Variants in TBL1X observed in about 807,000 individuals in gnomAD.
TBL1X encodes F-box-like/WD repeat-containing protein TBL1X.
In TBL1X, 10 loss-of-function variants were observed where a neutral mutation model predicts 50.7. The observed-to-expected ratio is 0.20, with a 90% CI of 0.12 to 0.33. TBL1X has a LOEUF of 0.33. TBL1X is among the 10% of genes least tolerant of loss of function. The pLI is 1.00. For missense variants in TBL1X, 340 were observed against 504.4 expected, an observed-to-expected ratio of 0.67 and a Z score of 3.12; for synonymous variants, 190 against 214.7, an observed-to-expected ratio of 0.88 and a Z score of 1.01.
chrX:9,665,579 A>G (rs994989571), intron 5 of TBL1X, among the ~76,000 whole-genome samples: 2 of 80,134 alleles, frequency 2.5e-5, no homozygotes, highest in African/African-American at 4.7e-5. Context: ...ATCTTGTTTA[A>G]GAAAAATTTT....
At chrX:9,490,009 CA>C (rs1259698968) in intron 1 of TBL1X, among the ~76,000 whole-genome samples, 1 of 111,427 alleles carries the variant, frequency 9.0e-6, no homozygotes, top group East Asian at 2.8e-4. Flanking sequence ...CACTGTCACC[CA>C]AACTCGAGTG....
chrX:9,605,307 C>T (rs1404858599), intron 2 of TBL1X, among the ~76,000 whole-genome samples: 2 of 112,057 alleles, frequency 1.8e-5, no homozygotes, highest in African/African-American at 6.5e-5. Context: ...GGTATGATGT[C>T]ACACTCATAA....
intron 5 of TBL1X, among the ~76,000 whole-genome samples, chrX:9,660,198 G>A (rs774350842): frequency 8.9e-6 from 1 of 112,593 alleles, no homozygotes; most frequent in East Asian, 2.8e-4. Flanking sequence ...CAAAGTCATC[G>A]AAAACCCAGC....
chrX:9,525,317 A>G (rs1282651852), intron 2 of TBL1X, among the ~76,000 whole-genome samples: 1 of 112,051 alleles, frequency 8.9e-6, no homozygotes, highest in Non-Finnish European at 1.9e-5. Context: ...TGTTTTGAAT[A>G]TTTAAAGTAG....
chrX:9,678,841 G>T (rs778690995), intron 5 of TBL1X, among the ~76,000 whole-genome samples: 1 of 111,681 alleles, frequency 9.0e-6, no homozygotes, highest in Admixed American at 9.5e-5. Context: ...CGCAATACAT[G>T]TACTTGGTTT....
intron 1 of TBL1X, among the ~76,000 whole-genome samples, chrX:9,483,174 C>T (rs768187597): frequency 1.2e-4 from 13 of 111,636 alleles, no homozygotes; most frequent in Non-Finnish European, 2.3e-4. Context: ...TTAAGAAACC[C>T]TGACTTAGAA....
chrX:9,550,914 G>T (rs966807166), intron 2 of TBL1X, among the ~76,000 whole-genome samples: 12 of 110,923 alleles, frequency 1.1e-4, no homozygotes, highest in Non-Finnish European at 2.3e-4. Context: ...GGCATCTAAT[G>T]GGTAGAGGCC....
chrX:9,597,503 G>A (rs1239592154), intron 2 of TBL1X, among the ~76,000 whole-genome samples: 1 of 111,991 alleles, frequency 8.9e-6, no homozygotes, highest in African/African-American at 3.3e-5. Context: ...ACATTAATTG[G>A]GAACAGCAGT....
In TBL1X at chrX:9,569,623, G is replaced by T. The variant is rs189112047; in HGVS notation, c.-131+67774G>T. On this transcript the variant is annotated intron_variant, in intron 2 of 17. Transcript: ENST00000645353. ...GGAGGCTGCAGTGAGCTGTGATCGC[G>T]CCACTGCACTCCAGCCTAGGTGACA... Among the ~76,000 whole-genome samples, 2 of 111,803 alleles carry T rather than the reference G, an allele frequency of 1.8e-5. 1 individual carries two copies. Among genetic ancestry groups the T allele is most frequent in the African/African-American group, 6.5e-5 (2 of 30,821 alleles).
chrX:9,498,988 G>T (rs1200476033), intron 1 of TBL1X, among the ~76,000 whole-genome samples: 1 of 111,731 alleles, frequency 9.0e-6, no homozygotes, highest in East Asian at 2.8e-4. Flanking sequence ...CTCCCCTCCA[G>T]CAGGCTCTGC....
intron 2 of TBL1X, among the ~76,000 whole-genome samples, chrX:9,596,808 A>G (rs986955265): frequency 1.8e-4 from 20 of 111,116 alleles, no homozygotes; most frequent in African/African-American, 5.9e-4. Flanking sequence ...GATAGAAGCC[A>G]TCCCCCAACA....
intron 2 of TBL1X, among the ~76,000 whole-genome samples, chrX:9,609,980 T>G (rs1176854520): frequency 8.9e-6 from 1 of 112,753 alleles, no homozygotes; most frequent in Non-Finnish European, 1.9e-5. Context: ...GATTGCAGTG[T>G]TGGAGTTTCA....
chrX:9,466,652 G>A (rs368641185), intron 1 of TBL1X, among the ~76,000 whole-genome samples: 1 of 112,564 alleles, frequency 8.9e-6, no homozygotes, highest in Non-Finnish European at 1.9e-5. Context: ...CGAGGGGGAA[G>A]GAAGGCAACC....
intron 5 of TBL1X, among the ~76,000 whole-genome samples, chrX:9,655,187 C>T (rs890284821): frequency 5.4e-5 from 6 of 110,996 alleles, no homozygotes; most frequent in African/African-American, 1.3e-4. Flanking sequence ...GCTATAATGA[C>T]GTACCGCAAA....
Position 9,684,148 on chromosome X carries a change from A to G in TBL1X, c.317A>G (p.Lys106Arg). 1 of 1,211,938 alleles carries G rather than the reference A, an allele frequency of 8.3e-7. No homozygotes were observed. The highest frequency in any genetic ancestry group is 1.1e-6 in the Non-Finnish European group (1 of 895,552). ...PPAALISILQ[K>R]GLQYVEAEIS... ...GCCGCCCTCATCTCCATTCTCCAGA[A>G]GGGCCTGCAGTATGTAGAGGCCGAG... Residue 106 changes from lysine (K) to arginine (R), a missense_variant, in exon 6 of 18, where the codon AAG (lysine) becomes AGG (arginine). Around this residue, in one of 6 missense-constraint regions of TBL1X, gnomAD observed 24 missense variants for 44.1 expected, o/e 0.54. Transcript: ENST00000645353.
At chrX:9,546,095 C>G (rs1052985761) in intron 2 of TBL1X, among the ~76,000 whole-genome samples, 2 of 112,016 alleles carry the variant, frequency 1.8e-5, no homozygotes, top group Admixed American at 9.4e-5. Context: ...GCTCCCTTCT[C>G]TCTGTTACCA....
chrX:9,600,860 C>T (rs1328952118), intron 2 of TBL1X, among the ~76,000 whole-genome samples: 2 of 111,504 alleles, frequency 1.8e-5, no homozygotes, highest in African/African-American at 3.3e-5. Context: ...TGCTTCCATT[C>T]CGGAGGATGA....
intron 5 of TBL1X, among the ~76,000 whole-genome samples, chrX:9,671,411 G>A (rs1173481331): frequency 8.9e-6 from 1 of 112,901 alleles, no homozygotes; most frequent in Non-Finnish European, 1.9e-5. Flanking sequence ...GTGGGCATGC[G>A]GCCCATGCCG....
rs987499721 is a variant in TBL1X at position 9,717,077 on chromosome X, GCT to G, written c.*836_*837del. ...CTCGCGCTCGCTTTCTCACTGGCGT[GCT>G]CTCTTTCTCTCTCTCTCTCCCTCTG... On this transcript the variant is annotated 3_prime_UTR_variant, in exon 18 of 18. Coordinates refer to ENST00000645353, the MANE Select transcript of TBL1X (RefSeq NM_005647.4). 2 of 109,219 alleles carry G rather than the reference GCT, an allele frequency of 1.8e-5. No individual in the cohort carries two copies. The highest frequency in any genetic ancestry group is 3.4e-5 in the African/African-American group (1 of 29,773). The allele number at this position is 109,219 out of a possible 1,213,427, so 9.0% of individuals were successfully genotyped here. A position where few individuals can be genotyped will look rare whatever the true frequency, so the allele number is the denominator to read the frequency against.
Sources: allele counts gnomAD v4.1 joint callset (sites outside exome capture counted in the v4.1 genomes callset), GRCh38; gene constraint gnomAD v4.1.1; regional missense constraint gnomAD v4.1.1; transcripts MANE v1.5; gene names NCBI Gene and HGNC (gene_info 2026-07-23, HGNC 2026-07-21).